Variants in LRP2 observed in about 807,000 individuals in gnomAD.
LRP2 encodes low-density lipoprotein receptor-related protein 2.
In LRP2, 172 loss-of-function variants were observed where a neutral mutation model predicts 531.0. The ratio of observed to expected loss-of-function variants is 0.32; its 90% CI spans 0.29 to 0.37. The LOEUF is 0.37. Ranked by LOEUF, LRP2 falls within the 10% of genes least tolerant of loss-of-function variation. LRP2 has a pLI of 1.00. For synonymous variants in LRP2, 1,992 were observed against 2,027.6 expected (o/e 0.98, Z 0.47); for missense variants, 5,167 against 5,868.3 (o/e 0.88, Z 3.90).
chr2:169,182,116 A>G (rs1250299184), intron 51 of LRP2, 51 bp downstream of exon 51: 9 of 1,608,626 alleles, frequency 5.6e-6, no homozygotes, highest in Non-Finnish European at 7.7e-6. Context: ...TCGGTAACAG[A>G]GGCAGAAGAA....
At chr2:169,169,363 C>T (rs1386138088) in intron 60 of LRP2, among the ~76,000 whole-genome samples, 1 of 152,142 alleles carries the variant, frequency 6.6e-6, no homozygotes, top group South Asian at 2.1e-4. Flanking sequence ...AACCCAAGTT[C>T]TTTATACTAA....
chr2:169,251,928 A>C (rs1366108106), intron 19 of LRP2, among the ~76,000 whole-genome samples: 1 of 35,188 alleles, frequency 2.8e-5, no homozygotes, highest in Admixed American at 4.3e-4. Context: ...CACTCTCCCA[A>C]GACTAAACCA....
chr2:169,303,463 G>A lies in LRP2; in HGVS notation c.427+3818C>T, dbSNP rs78879574. Among the ~76,000 whole-genome samples the A allele has an allele frequency of 1.2e-3, 184 of 152,134 alleles. 1 individual carries two copies. In the East Asian group the frequency reaches 0.028, roughly 23 times the overall value. ...GTGGGTAAGGTGGTGGCTGGTGCTC[G>A]GTGACTGGCAGTTCCCTTTCCCACT... On this transcript the variant is annotated intron_variant, in intron 4 of 78. Coordinates refer to ENST00000649046, the MANE Select transcript of LRP2 (RefSeq NM_004525.3).
chr2:169,342,149 G>A (rs1027130729), intron 1 of LRP2, among the ~76,000 whole-genome samples: 4 of 150,668 alleles, frequency 2.7e-5, no homozygotes, highest in South Asian at 4.2e-4. Context: ...AATGTCACAC[G>A]CTATGCCCAG....
intron 1 of LRP2, among the ~76,000 whole-genome samples, chr2:169,341,036 A>C (rs1297016846): frequency 6.6e-6 from 1 of 152,214 alleles, no homozygotes; most frequent in African/African-American, 2.4e-5. Context: ...TACATACACA[A>C]ATGATTGTAT....
chr2:169,138,525 A>G (rs1004890322), intron 75 of LRP2, 52 bp downstream of exon 75: 1 of 1,599,682 alleles, frequency 6.3e-7, no homozygotes, highest in Non-Finnish European at 8.5e-7. Context: ...TATAAAAAGT[A>G]TTTATTCTAT....
intron 77 of LRP2, among the ~76,000 whole-genome samples, chr2:169,132,248 A>C (rs944928165): frequency 1.3e-5 from 2 of 152,240 alleles, no homozygotes; most frequent in African/African-American, 4.8e-5. Context: ...ACACCGTGAA[A>C]TCTTTATTCA....
chr2:169,322,260 T>C (rs1007854428), intron 1 of LRP2, among the ~76,000 whole-genome samples: 2 of 152,176 alleles, frequency 1.3e-5, no homozygotes, highest in African/African-American at 2.4e-5. Context: ...GACATAAACA[T>C]AGTTAAGTGA....
chr2:169,226,671 C>G, intron 31 of LRP2, 83 bp from the exon 32 acceptor site: 1 of 991,848 alleles, frequency 1.0e-6, no homozygotes, highest in Non-Finnish European at 1.6e-6. Flanking sequence ...TAGCCTGTTA[C>G]CATCATATGG....
In LRP2 at chr2:169,175,247, A is replaced by G. The variant is rs1030991792; in HGVS notation, c.10714T>C (p.Cys3572Arg). The change falls in exon 55 of 79, where the codon TGC becomes CGC. Residue 3572 changes from cysteine (C) to arginine (R), a missense_variant. Around this residue, in one of 6 missense-constraint regions of LRP2, gnomAD observed 311 missense variants for 309.4 expected, o/e 1.01. Coordinates refer to ENST00000649046, the MANE Select transcript of LRP2 (RefSeq NM_004525.3). ...TCAGGGCAATTTTGGTGAGCATTGC[A>G]TAAAGTCTGCGGGCTGGTGCAGTTG... Reference protein sequence around the residue: ...DGNCTSPQTLCNAHQNCPDGS... With the variant: ...DGNCTSPQTLRNAHQNCPDGS... The G allele has an allele frequency of 6.2e-7, 1 of 1,614,092 alleles. No individual in the cohort carries two copies. Among genetic ancestry groups the G allele is most frequent in the Non-Finnish European group, 8.5e-7 (1 of 1,180,038 alleles).
chr2:169,136,291 C>G (rs745364395), intron 76 of LRP2, among the ~76,000 whole-genome samples: 1 of 152,038 alleles, frequency 6.6e-6, no homozygotes, highest in Non-Finnish European at 1.5e-5. Context: ...AGAAACACTG[C>G]GCATTATCTC....
chr2:169,146,602 G>T, intron 69 of LRP2, 137 bp downstream of exon 69: 1 of 645,988 alleles, frequency 1.5e-6, no homozygotes, highest in Non-Finnish European at 2.7e-6. Context: ...GGGAGTTGGT[G>T]GGGGTGGAGG....
chr2:169,137,475 C>T lies in LRP2; in HGVS notation c.13537G>A (p.Glu4513Lys). The change falls in exon 76 of 79, where the codon GAA (glutamate) becomes AAA (lysine). Residue 4513 changes from glutamate to lysine, a missense_variant. Coordinates refer to ENST00000649046, the MANE Select transcript of LRP2 (RefSeq NM_004525.3). The part of the protein sequence containing the change: ...SMAMSEDFVM[E>K]MGKQPIIFEN... ...AATATTATGGGCTGCTTCCCCATTTCCATGACAAAGTCTTCACTCTGATGG... is the reference window on the plus strand; with the variant it reads ...AATATTATGGGCTGCTTCCCCATTTTCATGACAAAGTCTTCACTCTGATGG... 1 of 1,611,448 alleles carries T rather than the reference C, an allele frequency of 6.2e-7. No homozygotes were observed. Among genetic ancestry groups the T allele is most frequent in the Non-Finnish European group, 8.5e-7 (1 of 1,177,802 alleles).
intron 35 of LRP2, 47 bp from the exon 36 acceptor site, chr2:169,213,917 T>A: frequency 7.5e-7 from 1 of 1,341,138 alleles, no homozygotes; most frequent in East Asian, 2.3e-5. Context: ...ATAGTGAAAA[T>A]TTTGAACATT....
chr2:169,195,232 T>C (rs1345841183), intron 46 of LRP2, among the ~76,000 whole-genome samples: 1 of 152,188 alleles, frequency 6.6e-6, no homozygotes. Flanking sequence ...TGTACAGGAA[T>C]GAGGCTGGTC....
At chr2:169,142,916 C>T in intron 70 of LRP2, 123 bp from the exon 71 acceptor site, 1 of 1,023,688 alleles carries the variant, frequency 9.8e-7, no homozygotes, top group Non-Finnish European at 1.5e-6. Flanking sequence ...ACCTCTCGTC[C>T]ACGTGTCAGC....
At chr2:169,269,756 G>T (rs1683348646) in intron 16 of LRP2, among the ~76,000 whole-genome samples, 1 of 152,122 alleles carries the variant, frequency 6.6e-6, no homozygotes, top group South Asian at 2.1e-4. Context: ...TTGACAAATG[G>T]GATCTAATTA....
intron 1 of LRP2, among the ~76,000 whole-genome samples, chr2:169,328,459 A>AAG (rs1482478883): frequency 2.3e-5 from 3 of 128,084 alleles, no homozygotes; most frequent in Non-Finnish European, 5.3e-5. Flanking sequence ...AAAAAAAAAA[A>AAG]AAAAAGAAAA....
intron 16 of LRP2, among the ~76,000 whole-genome samples, chr2:169,266,355 C>T (rs973716730): frequency 4.0e-5 from 6 of 151,864 alleles, no homozygotes; most frequent in Non-Finnish European, 8.8e-5. Flanking sequence ...TGTTCCCTCC[C>T]CAGAGCAGGT....
Sources: allele counts gnomAD v4.1 joint callset (sites outside exome capture counted in the v4.1 genomes callset), GRCh38; gene constraint gnomAD v4.1.1; regional missense constraint gnomAD v4.1.1; transcripts MANE v1.5; gene names NCBI Gene and HGNC (gene_info 2026-07-23, HGNC 2026-07-21).